The following TTC29 variants were observed in gnomAD, a reference collection of about 807,000 sequenced individuals.
TTC29 encodes the protein tetratricopeptide repeat protein 29.
Under a neutral mutation model 58.1 loss-of-function variants are expected in TTC29, and 49 were observed. The observed-to-expected ratio is 0.84, with a 90% confidence interval of 0.67 to 1.07. The LOEUF is 1.07. TTC29 is among the 50% of genes least tolerant of loss of function. TTC29 has a pLI of 0.00. For missense variants in TTC29, 582 were observed against 555.6 expected (o/e 1.05, Z -0.48); for synonymous variants, 209 against 196.8 (o/e 1.06, Z -0.52).
intron 11 of TTC29, among the ~76,000 whole-genome samples, chr4:146,769,483 AG>A (rs1158605108): frequency 6.6e-6 from 1 of 152,032 alleles, no homozygotes; most frequent in Non-Finnish European, 1.5e-5. Context: ...GGTTAATTCT[AG>A]CTTTTAGATA....
At chr4:146,720,333 T>C (rs1277750527) in intron 11 of TTC29, among the ~76,000 whole-genome samples, 1 of 152,078 alleles carries the variant, frequency 6.6e-6, no homozygotes, top group Non-Finnish European at 1.5e-5. Flanking sequence ...ACAGAAATGG[T>C]ATACTTTTCT....
chr4:146,794,220 G>T (rs78109203), intron 11 of TTC29, among the ~76,000 whole-genome samples: 4,200 of 152,222 alleles, frequency 0.028, 77 homozygotes, highest in Non-Finnish European at 0.043. Flanking sequence ...GGTAGTTAAT[G>T]TAGCTATTTG....
chr4:146,875,780 C>G (rs1731217251), intron 6 of TTC29, among the ~76,000 whole-genome samples: 1 of 152,120 alleles, frequency 6.6e-6, no homozygotes, highest in South Asian at 2.1e-4. Flanking sequence ...GGATTTTACC[C>G]TATAATAAAA....
rs201991297 is a variant in TTC29, at chr4:146,877,248, TATTTTCTG to T, written c.587-2328_587-2321del. Among the ~76,000 whole-genome samples the T allele has an allele frequency of 6.9e-3, 1,046 of 152,308 alleles. 15 individuals carry two copies. The highest frequency in any genetic ancestry group is 0.024 in the African/African-American group (994 of 41,574). ...GTAGGATTATGGGTAACTTATGGTT[TATTTTCTG>T]ATTTTCTGTTTTCTTTTTCTTGATT... On this transcript the variant is annotated intron_variant, in intron 6 of 12. Transcript: ENST00000325106.
intron 8 of TTC29, among the ~76,000 whole-genome samples, chr4:146,852,278 A>G (rs1474812958): frequency 6.6e-6 from 1 of 152,224 alleles, no homozygotes; most frequent in African/African-American, 2.4e-5. Context: ...TAGTTCATTA[A>G]GTGGAACAGA....
chr4:146,822,417 C>A (rs1464391168), intron 9 of TTC29, among the ~76,000 whole-genome samples: 6 of 152,192 alleles, frequency 3.9e-5, no homozygotes, highest in Non-Finnish European at 8.8e-5. Flanking sequence ...CACATGATCT[C>A]ATTCTTTCAA....
chr4:146,828,317 T>C (rs1356843129), intron 9 of TTC29, among the ~76,000 whole-genome samples: 1 of 152,026 alleles, frequency 6.6e-6, no homozygotes, highest in Admixed American at 6.6e-5. Context: ...ATAAAGAAAA[T>C]ACATTATTTA....
intron 9 of TTC29, among the ~76,000 whole-genome samples, chr4:146,832,167 G>T (rs76978430): frequency 0.07 from 9,572 of 136,318 alleles, 400 homozygotes; most frequent in Admixed American, 0.14. Context: ...GCAAAGCAAA[G>T]AATCCAATCT....
intron 2 of TTC29, among the ~76,000 whole-genome samples, chr4:146,943,368 G>C (rs1736607505): frequency 6.6e-6 from 1 of 151,778 alleles, no homozygotes; most frequent in East Asian, 1.9e-4. Flanking sequence ...AACTCTGAAT[G>C]GGGGGTGGTC....
chr4:146,937,530 C>T, intron 4 of TTC29, 64 bp downstream of exon 4: 1 of 1,086,480 alleles, frequency 9.2e-7, no homozygotes, highest in Admixed American at 3.1e-5. Flanking sequence ...ATTGAAATTT[C>T]AATAAAGAAT....
intron 4 of TTC29, among the ~76,000 whole-genome samples, chr4:146,926,444 C>T (rs537288520): frequency 3.9e-5 from 6 of 152,116 alleles, no homozygotes; most frequent in Non-Finnish European, 7.4e-5. Context: ...TATAATCTGA[C>T]AGCTGTGTAA....
rs35617737 is a variant in TTC29, at chr4:146,785,194, C to CTT, written c.1330+18261_1330+18262dup. Among the ~76,000 whole-genome samples the CTT allele has an allele frequency of 8.8e-3, 1,210 of 137,512 alleles. 27 individuals carry two copies. Among genetic ancestry groups the CTT allele is most frequent in the East Asian group, 0.031 (145 of 4,742 alleles). 90.2% of individuals were successfully genotyped at this position (137,512 alleles called of 152,430 possible). ...TCACTGTCTGTTTATAACTTGCTGCCTTTTTTTTTTTTTTTGAGACGGAGT... is the reference window on the plus strand; with the variant it reads ...TCACTGTCTGTTTATAACTTGCTGCCTTTTTTTTTTTTTTTTTGAGACGGAGT... On this transcript the variant is annotated intron_variant, in intron 11 of 12. Transcript: ENST00000325106.
At chr4:146,910,166 C>T (rs569715270) in intron 4 of TTC29, among the ~76,000 whole-genome samples, 2 of 151,566 alleles carry the variant, frequency 1.3e-5, no homozygotes, top group South Asian at 2.1e-4. Context: ...AAAAATTCAC[C>T]GTGGAGTGGA....
intron 11 of TTC29, among the ~76,000 whole-genome samples, chr4:146,744,819 T>C (rs1745421697): frequency 6.6e-6 from 1 of 152,218 alleles, no homozygotes; most frequent in African/African-American, 2.4e-5. Context: ...TGGCTTACAG[T>C]TTCTATTCAA....
intron 8 of TTC29, among the ~76,000 whole-genome samples, chr4:146,839,059 G>A (rs911454947): frequency 2.0e-5 from 3 of 151,886 alleles, no homozygotes; most frequent in African/African-American, 7.2e-5. Context: ...GACCACTGTA[G>A]AGTCACACAG....
At chr4:146,835,159 AT>A (rs995535446) in intron 8 of TTC29, among the ~76,000 whole-genome samples, 13 of 152,052 alleles carry the variant, frequency 8.5e-5, no homozygotes, top group Non-Finnish European at 1.6e-4. Flanking sequence ...ATTACCTTTG[AT>A]TTTCATTTTT....
chr4:146,898,198 C>T (rs1732905430), intron 6 of TTC29, among the ~76,000 whole-genome samples: 1 of 152,182 alleles, frequency 6.6e-6, no homozygotes, highest in Non-Finnish European at 1.5e-5. Context: ...CCAATTCTAA[C>T]TCCTCTCTAT....
intron 11 of TTC29, among the ~76,000 whole-genome samples, chr4:146,782,340 C>T (rs1263718379): frequency 6.6e-6 from 1 of 151,186 alleles, no homozygotes; most frequent in Non-Finnish European, 1.5e-5. Flanking sequence ...ATCTGTTGGC[C>T]ATTTATATAA....
intron 8 of TTC29, among the ~76,000 whole-genome samples, chr4:146,857,202 T>G (rs1036872730): frequency 8.6e-5 from 13 of 152,028 alleles, no homozygotes; most frequent in African/African-American, 2.7e-4. Flanking sequence ...CATCAGACAC[T>G]GAATATTTTG....
Sources: gnomAD v4.1 joint callset for allele counts (sites outside exome capture counted in the v4.1 genomes callset) on GRCh38, gnomAD v4.1.1 for gene constraint, MANE v1.5 for transcripts, NCBI Gene and HGNC (gene_info 2026-07-23, HGNC 2026-07-21) for gene names.